The following TIAM1 variants were observed in gnomAD, a reference collection of about 807,000 sequenced individuals.
TIAM1 encodes rho guanine nucleotide exchange factor TIAM1.
A neutral mutation model predicts 163.5 loss-of-function variants in TIAM1; 65 were observed. The ratio of observed to expected loss-of-function variants is 0.40; its 90% CI spans 0.33 to 0.49. TIAM1 has a LOEUF of 0.49. TIAM1 is among the 20% of genes least tolerant of loss of function. The pLI is 0.77. For synonymous variants in TIAM1, 833 were observed against 810.1 expected (o/e 1.03, Z -0.48); for missense variants, 1,789 against 2,044.7 (o/e 0.87, Z 2.41).
intron 1 of TIAM1, among the ~76,000 whole-genome samples, chr21:31,503,122 C>T (rs551116942): frequency 1.1e-4 from 16 of 152,110 alleles, no homozygotes; most frequent in Admixed American, 8.5e-4. Flanking sequence ...AGGCTGGGTG[C>T]GGTGGTTCAC....
At chr21:31,126,087 T>C (rs1179011229) in intron 26 of TIAM1, among the ~76,000 whole-genome samples, 1 of 152,220 alleles carries the variant, frequency 6.6e-6, no homozygotes, top group African/African-American at 2.4e-5. Context: ...CTAAATGAAA[T>C]AATGAATGTA....
chr21:31,210,644 A>G (rs1263352732), intron 10 of TIAM1, among the ~76,000 whole-genome samples: 913 of 24,776 alleles, frequency 0.037, 28 homozygotes, highest in South Asian at 0.055. Context: ...AAAGAAAGAA[A>G]GAAAGAAAGA....
chr21:31,421,922 CGAGACTGCAGT>C (rs1342916855), intron 2 of TIAM1, among the ~76,000 whole-genome samples: 1 of 151,942 alleles, frequency 6.6e-6, no homozygotes, highest in Non-Finnish European at 1.5e-5. Flanking sequence ...CCCAGGAGGT[CGAGACTGCAGT>C]GAGTTATAAT....
intron 2 of TIAM1, among the ~76,000 whole-genome samples, chr21:31,332,253 CAAAT>C (rs1233186283): frequency 2.0e-5 from 3 of 152,216 alleles, no homozygotes; most frequent in Admixed American, 2.0e-4. Flanking sequence ...CTGAAAGAAA[CAAAT>C]AAATAATGTG....
chr21:31,463,027 G>GA (rs1602340293), intron 2 of TIAM1, among the ~76,000 whole-genome samples: 1 of 152,304 alleles, frequency 6.6e-6, no homozygotes, highest in East Asian at 1.9e-4. Context: ...ACAGGGGCAT[G>GA]AGCCACCGCG....
At chr21:31,382,349 C>T (rs1569282435) in intron 2 of TIAM1, among the ~76,000 whole-genome samples, 1 of 152,172 alleles carries the variant, frequency 6.6e-6, no homozygotes, top group Non-Finnish European at 1.5e-5. Flanking sequence ...GTGTCTAGAA[C>T]ATAAGGGCAG....
intron 14 of TIAM1, among the ~76,000 whole-genome samples, chr21:31,184,794 A>G (rs1416626761): frequency 6.6e-6 from 1 of 152,172 alleles, no homozygotes; most frequent in African/African-American, 2.4e-5. Flanking sequence ...TGGCCTAGAA[A>G]GTATAGAAGG....
At chr21:31,414,661 T>C (rs923468075) in intron 2 of TIAM1, among the ~76,000 whole-genome samples, 7 of 152,174 alleles carry the variant, frequency 4.6e-5, no homozygotes, top group Non-Finnish European at 8.8e-5. Context: ...CAGAACAATA[T>C]GAGCCTCTGA....
intron 2 of TIAM1, among the ~76,000 whole-genome samples, chr21:31,295,860 C>T (rs982991275): frequency 2.0e-5 from 3 of 152,092 alleles, no homozygotes; most frequent in African/African-American, 4.8e-5. Context: ...TGCAGTGGAG[C>T]GATGTTGGCT....
At chr21:31,436,452 C>A (rs1482825724) in intron 2 of TIAM1, among the ~76,000 whole-genome samples, 1 of 151,950 alleles carries the variant, frequency 6.6e-6, no homozygotes, top group Non-Finnish European at 1.5e-5. Context: ...TATGGTGAAA[C>A]CCCATCTCAA....
intron 2 of TIAM1, among the ~76,000 whole-genome samples, chr21:31,417,464 G>A (rs1364464892): frequency 2.0e-5 from 3 of 152,152 alleles, no homozygotes; most frequent in Non-Finnish European, 4.4e-5. Context: ...TCAAGCAAAA[G>A]GGGAAATCCC....
intron 2 of TIAM1, among the ~76,000 whole-genome samples, chr21:31,336,488 C>CTTTTTTTTTTTT (rs34052300): frequency 8.0e-6 from 1 of 125,470 alleles, no homozygotes; most frequent in African/African-American, 2.9e-5. Flanking sequence ...TTGCCCCTTG[C>CTTTTTTTTTTTT]TTTTTTTTTT....
At chr21:31,328,951 A>AT (rs1341319840) in intron 2 of TIAM1, among the ~76,000 whole-genome samples, 2 of 151,994 alleles carry the variant, frequency 1.3e-5, no homozygotes, top group Non-Finnish European at 2.9e-5. Flanking sequence ...CAGCCCAGAC[A>AT]TTTTTTCTTG....
At chr21:31,387,195 C>CTCTTTTTTTTT (rs759122075) in intron 2 of TIAM1, among the ~76,000 whole-genome samples, 1 of 75,150 alleles carries the variant, frequency 1.3e-5, no homozygotes, top group African/African-American at 5.6e-5. Context: ...AGCTTATTCT[C>CTCTTTTTTTTT]TTTTTTTTTT....
chr21:31,331,038 ATGTTTTCC>A (rs2075663612), intron 2 of TIAM1, among the ~76,000 whole-genome samples: 1 of 152,188 alleles, frequency 6.6e-6, no homozygotes, highest in Admixed American at 6.5e-5. Context: ...TACTTAGGCT[ATGTTTTCC>A]CAACTGGTAC....
At chr21:31,308,672 G>A (rs1448750261) in intron 2 of TIAM1, among the ~76,000 whole-genome samples, 1 of 152,052 alleles carries the variant, frequency 6.6e-6, no homozygotes, top group Non-Finnish European at 1.5e-5. Context: ...GGTGTGATTC[G>A]GGAAGGGGAT....
At chr21:31,370,629 C>A (rs969273452) in intron 2 of TIAM1, among the ~76,000 whole-genome samples, 6 of 152,000 alleles carry the variant, frequency 3.9e-5, no homozygotes, top group African/African-American at 1.5e-4. Context: ...TTTGAAATTA[C>A]CCACAATAAA....
chr21:31,348,775 CA>C (rs951010208), upstream of TIAM1, among the ~76,000 whole-genome samples: 5 of 152,296 alleles, frequency 3.3e-5, no homozygotes, highest in Middle Eastern at 3.4e-3. Context: ...CTCTGAGAGA[CA>C]AACAAGGTTC....
chr21:31,180,520 T>C (rs1171438974), intron 15 of TIAM1, among the ~76,000 whole-genome samples: 1 of 91,382 alleles, frequency 1.1e-5, no homozygotes. Context: ...TTTACCCACC[T>C]CTTTTTTTTT....
Sources: gnomAD v4.1 joint callset for allele counts (sites outside exome capture counted in the v4.1 genomes callset) on GRCh38, gnomAD v4.1.1 for gene constraint, MANE v1.5 for transcripts, NCBI Gene and HGNC (gene_info 2026-07-23, HGNC 2026-07-21) for gene names.